The following LRRK1 variants were observed in gnomAD, a reference collection of about 807,000 sequenced individuals.
LRRK1 encodes the protein leucine rich repeat kinase 1, also known as leucine-rich repeat serine/threonine-protein kinase 1.
In LRRK1, 113 loss-of-function variants were observed where a neutral mutation model predicts 209.1. That is an observed-to-expected ratio of 0.54 (90% confidence interval 0.46 to 0.63). The LOEUF (loss-of-function observed/expected upper bound fraction) is 0.63, where lower values mean the gene tolerates loss of function less well. Among genes scored for constraint, LRRK1 ranks in the 30% least tolerant of loss-of-function variants. The probability of loss-of-function intolerance (pLI) is 0.00; values close to 1 mark genes in which losing one functional copy is unlikely to be tolerated. For missense variants in LRRK1, 2,284 were observed against 2,632.2 expected (o/e 0.87, Z 2.89); for synonymous variants, 1,144 against 1,099.7 (o/e 1.04, Z -0.80).
chr15:101,024,769 A>G lies in LRRK1; in HGVS notation c.2068-34A>G. ...ATTGACTGAAGCCTTTGTCTCTAAA[A>G]TGCCTCCCTGTCGCTGCCTTGTTGC... On this transcript the variant is annotated intron_variant, in intron 15 of 33. Transcript: ENST00000388948. The surrounding 1 kb of genome is among the most constrained non-coding windows in gnomAD (Gnocchi z 4.6). 6.3e-7 allele frequency: 1 copy of G among 1,598,256 alleles called. No homozygotes were observed. Among genetic ancestry groups the G allele is most frequent in the Non-Finnish European group, 8.6e-7 (1 of 1,167,556 alleles).
chr15:101,051,535 C>G (rs748391854), intron 23 of LRRK1, among the ~76,000 whole-genome samples, 176 bp from the exon 24 acceptor site: 7 of 152,252 alleles, frequency 4.6e-5, no homozygotes, highest in Non-Finnish European at 1.0e-4. Context: ...AACAATTGCG[C>G]TCTCCAAAAA....
At chr15:100,937,223 C>T (rs1280866941) in intron 2 of LRRK1, among the ~76,000 whole-genome samples, 1 of 152,138 alleles carries the variant, frequency 6.6e-6, no homozygotes, top group East Asian at 1.9e-4. Context: ...TTTAAACTAT[C>T]TTATTCATTT....
At chr15:100,933,652 T>C (rs917570442) in intron 2 of LRRK1, among the ~76,000 whole-genome samples, 1 of 151,404 alleles carries the variant, frequency 6.6e-6, no homozygotes, top group South Asian at 2.1e-4. Context: ...CGAAACCCCG[T>C]CTTTACTAAA....
intron 9 of LRRK1, 35 bp from the exon 10 acceptor site, chr15:101,011,973 C>G: frequency 6.6e-7 from 1 of 1,520,174 alleles, no homozygotes; most frequent in Non-Finnish European, 9.0e-7. Flanking sequence ...AAAGAGCTAA[C>G]TAATATACAT....
chr15:101,037,119 T>A (rs746448248), intron 20 of LRRK1, among the ~76,000 whole-genome samples: 10 of 152,172 alleles, frequency 6.6e-5, no homozygotes, highest in Non-Finnish European at 1.3e-4. Context: ...GTGGCATCAG[T>A]GGGCCAGGTA....
intron 4 of LRRK1, among the ~76,000 whole-genome samples, chr15:100,984,206 G>A (rs949606105): frequency 2.1e-5 from 3 of 145,364 alleles, no homozygotes; most frequent in African/African-American, 8.2e-5. Flanking sequence ...CGAAAACAAA[G>A]CTCAGAGAGG....
rs147125165 is a variant in LRRK1 at position 101,074,051 on chromosome 15, G to C, written c.*5203G>C. 2 of 152,178 alleles carry C rather than the reference G, an allele frequency of 1.3e-5. No homozygotes were observed. The highest frequency in any genetic ancestry group is 6.5e-5 in the Admixed American group (1 of 15,294). The allele number at this position is 152,178 out of a possible 1,614,324, so 9.4% of individuals were successfully genotyped here. On this transcript the variant is annotated 3_prime_UTR_variant, in exon 34 of 34. Coordinates refer to ENST00000388948, the MANE Select transcript of LRRK1 (RefSeq NM_024652.6). ...GGTCTGAGGTGCCTGACGTCCAGGC[G>C]TTCTTTTACACATCAGTCCCTCCCT...
At chr15:101,049,817 A>G (rs775448304) in intron 23 of LRRK1, 34 bp downstream of exon 23, 2 of 1,595,686 alleles carry the variant, frequency 1.3e-6, no homozygotes, top group South Asian at 1.1e-5. Flanking sequence ...GCCCTCATTC[A>G]TGCTAATATT....
At position 101,010,461 on chromosome 15, in the gene LRRK1, T is replaced by C. The variant is rs562018856; in HGVS notation, c.1001T>C (p.Ile334Thr). The C allele has an allele frequency of 6.2e-7, 1 of 1,611,260 alleles. No homozygotes were observed. The highest frequency in any genetic ancestry group is 2.2e-5 in the East Asian group (1 of 44,880). Residue 334 changes from isoleucine (I) to threonine (T), a missense_variant, in exon 8 of 34, where the codon ATT becomes ACT. Transcript: ENST00000388948. The part of the protein sequence containing the change: ...DEIICSRLLE[I>T]DISSNKLSHL... ...CTTCTCCATCGCAGGCTACTTGAAA[T>C]TGACATTTCCAGCAACAAGTTGTCC...
intron 7 of LRRK1, 136 bp downstream of exon 7, chr15:101,009,199 A>AC: frequency 1.4e-6 from 1 of 695,344 alleles, no homozygotes; most frequent in East Asian, 2.7e-5. Flanking sequence ...AGTTTTGCCT[A>AC]CCCTGAGGCA....
At position 101,012,084 on chromosome 15, in the gene LRRK1, A is replaced by G. The variant is rs1486538796; in HGVS notation, c.1358A>G (p.Lys453Arg). The G allele has an allele frequency of 6.2e-7, 1 of 1,613,226 alleles. No individual in the cohort carries two copies. Among genetic ancestry groups the G allele is most frequent in the Non-Finnish European group, 8.5e-7 (1 of 1,179,636 alleles). ...KMAVFWKNHL[K>R]DVDFSENALK... ...GCTGTCTTTTGGAAAAATCACCTGA[A>G]GGATGTGGATTTCTCAGAAAACGCA... Residue 453 changes from lysine to arginine, a missense_variant, in exon 10 of 34, where the codon AAG becomes AGG. Physicochemically the swap from Lys to Arg is conservative, Grantham distance 26. Transcript: ENST00000388948.
intron 26 of LRRK1, 70 bp downstream of exon 26, chr15:101,053,490 G>C (rs991502523): frequency 2.2e-6 from 3 of 1,372,318 alleles, no homozygotes; most frequent in Non-Finnish European, 3.0e-6. Context: ...GCCTGGCACG[G>C]GGGGTAGAGC....
intron 6 of LRRK1, among the ~76,000 whole-genome samples, chr15:100,991,046 T>G (rs2032135755): frequency 6.6e-6 from 1 of 152,212 alleles, no homozygotes; most frequent in Non-Finnish European, 1.5e-5. Context: ...TGGCTAGCTT[T>G]TATCTCTTCC....
chr15:101,024,465 T>C lies in LRRK1; in HGVS notation c.2068-338T>C, dbSNP rs566708969. 2.8e-4 allele frequency among the ~76,000 whole-genome samples: 43 copies of C among 152,288 alleles called. No individual in the cohort carries two copies. Among genetic ancestry groups the C allele is most frequent in the Admixed American group, 2.1e-3 (32 of 15,300 alleles). On this transcript the variant is annotated intron_variant, in intron 15 of 33. Transcript: ENST00000388948. This position sits in a 1 kb window ranked among gnomAD's most constrained non-coding sequence, Gnocchi z 4.6. ...GGCACACAGGGAGGCTGAACCCCAG[T>C]GCAAGCCGTGACATCAGAGCACAGC...
chr15:101,018,765 A>G (rs1362019170), intron 12 of LRRK1, among the ~76,000 whole-genome samples: 2 of 152,256 alleles, frequency 1.3e-5, no homozygotes, highest in Non-Finnish European at 2.9e-5. Context: ...TGGCCTTGGC[A>G]GATGACAAAG....
intron 20 of LRRK1, among the ~76,000 whole-genome samples, chr15:101,042,835 C>G (rs1041530447): frequency 3.3e-5 from 5 of 152,200 alleles, no homozygotes; most frequent in African/African-American, 1.2e-4. Context: ...GTAGTGTTGG[C>G]TTCTTCTTTC....
chr15:100,939,783 G>A (rs1210900436), intron 2 of LRRK1, among the ~76,000 whole-genome samples: 2 of 152,168 alleles, frequency 1.3e-5, no homozygotes, highest in Admixed American at 6.5e-5. Flanking sequence ...CAAAGTCGGG[G>A]TAAATAGTTG....
intron 31 of LRRK1, among the ~76,000 whole-genome samples, chr15:101,064,203 G>A (rs887182073): frequency 1.8e-4 from 28 of 152,264 alleles, no homozygotes; most frequent in African/African-American, 6.8e-4. Flanking sequence ...CTAAAGTCCT[G>A]GGGATGGATT....
At position 101,046,126 on chromosome 15, in the gene LRRK1, A is replaced by C; in HGVS notation, c.3109A>C (p.Ile1037Leu). 6.2e-7 allele frequency: 1 copy of C among 1,614,230 alleles called. No individual in the cohort carries two copies. Among genetic ancestry groups the C allele is most frequent in the Non-Finnish European group, 8.5e-7 (1 of 1,180,028 alleles). The change falls in exon 21 of 34, where the codon ATC becomes CTC. Residue 1037 changes from isoleucine to leucine, a missense_variant. Around this residue, in one of 6 missense-constraint regions of LRRK1, gnomAD observed 780 missense variants for 985.2 expected, o/e 0.79. Coordinates refer to ENST00000388948, the MANE Select transcript of LRRK1 (RefSeq NM_024652.6). ...GCAAAGGTTTATAGCACGGATGCTG[A>C]TCAGCCTGGCGGAGATGGACCTGCA... Reference protein sequence around the residue: ...FWQRFIARMLISLAEMDLQLF... With the variant: ...FWQRFIARMLLSLAEMDLQLF...
Sources: allele counts gnomAD v4.1 joint callset (sites outside exome capture counted in the v4.1 genomes callset), GRCh38; gene constraint gnomAD v4.1.1; regional missense constraint gnomAD v4.1.1; non-coding constraint Gnocchi (gnomAD v3.1); transcripts MANE v1.5; gene names NCBI Gene and HGNC (gene_info 2026-07-23, HGNC 2026-07-21).